The following TRIM14 variants were observed in gnomAD, a reference collection of about 807,000 sequenced individuals.
TRIM14 encodes tripartite motif containing 14.
TRIM14 carries 28 observed loss-of-function variants against 44.5 expected under a neutral mutation model. The observed-to-expected ratio is 0.63, with a 90% CI of 0.47 to 0.86. The LOEUF is 0.86. TRIM14 is among the 40% of genes least tolerant of loss of function. The pLI is 0.00. For synonymous variants in TRIM14, 299 were observed against 269.2 expected (o/e 1.11, Z -1.08); for missense variants, 607 against 611.1 (o/e 0.99, Z 0.07).
chr9:98,096,926 C>T (rs1296506754), intron 3 of TRIM14, among the ~76,000 whole-genome samples: 1 of 152,160 alleles, frequency 6.6e-6, no homozygotes, highest in Non-Finnish European at 1.5e-5. Context: ...GGGCTGGGTG[C>T]AGTGGCTCAC....
At chr9:98,076,894 G>C (rs774513568) in intron 6 of TRIM14, 1 of 1,575,832 alleles carries the variant, frequency 6.3e-7, no homozygotes, top group Admixed American at 1.7e-5. Flanking sequence ...TGGTGAAAAG[G>C]AGCTCCCTCT....
the TRIM14 span, among the ~76,000 whole-genome samples, chr9:98,049,242 T>C: frequency 1.4e-5 from 2 of 144,578 alleles, no homozygotes; most frequent in East Asian, 4.1e-4. Context: ...CTCAGGAGGC[T>C]GAGGCAGGAG....
At chr9:98,052,196 G>A in the TRIM14 span, among the ~76,000 whole-genome samples, 1 of 152,116 alleles carries the variant, frequency 6.6e-6, no homozygotes, top group Non-Finnish European at 1.5e-5. Context: ...GAGGGAAACA[G>A]AGGTTTTTCC....
intron 2 of TRIM14, among the ~76,000 whole-genome samples, chr9:98,105,052 G>T (rs917080026): frequency 1.3e-5 from 2 of 152,222 alleles, no homozygotes; most frequent in Non-Finnish European, 2.9e-5. Flanking sequence ...CAGGGGCAAT[G>T]GACACCAGTG....
At chr9:98,041,421 G>A in the TRIM14 span, among the ~76,000 whole-genome samples, 1 of 151,328 alleles carries the variant, frequency 6.6e-6, no homozygotes, top group Non-Finnish European at 1.5e-5. Context: ...CCGACCTCAG[G>A]TAATCCACCC....
chr9:98,118,930 G>A, intron 1 of TRIM14, 52 bp downstream of exon 1: 1 of 1,444,432 alleles, frequency 6.9e-7, no homozygotes, highest in Non-Finnish European at 9.0e-7. Context: ...CGTTATGCCT[G>A]GGCTGGCTCC....
At chr9:98,096,743 G>GTCCAGGCCACCATCATCTCTC (rs953815443) in intron 3 of TRIM14, among the ~76,000 whole-genome samples, 2 of 151,970 alleles carry the variant, frequency 1.3e-5, no homozygotes, top group African/African-American at 4.8e-5. Flanking sequence ...CCCTGTCTTG[G>GTCCAGGCCACCATCATCTCTC]TCCAGGCCAC....
Position 98,119,067 on chromosome 9 carries a change from C to T in TRIM14, c.122G>A (p.Arg41His). The change falls in exon 1 of 6, where the codon CGC becomes CAC. Residue 41 changes from arginine (R) to histidine (H), a missense_variant. By Grantham distance (29) the Arg-to-His change is conservative. This residue lies in a region of TRIM14 where 246 missense variants were observed against 270.8 expected (regional missense o/e 0.91). Transcript: ENST00000341469. ...CACCGGGCAAAGCGCGCACACGCAG[C>T]GGCGGCAGCGGCGACAGAAGAGCTC... is the stretch of plus-strand genomic sequence containing the variant. ...VAELFCRRCR[R>H]CVCALCPVLG... The T allele has an allele frequency of 1.9e-6, 3 of 1,580,118 alleles. No individual in the cohort carries two copies. Among genetic ancestry groups the T allele is most frequent in the South Asian group, 2.2e-5 (2 of 89,024 alleles).
downstream of TRIM14, among the ~76,000 whole-genome samples, chr9:98,068,398 C>T (rs1829212515): frequency 6.6e-6 from 1 of 152,042 alleles, no homozygotes; most frequent in Admixed American, 6.6e-5. Context: ...CCTCGGCCTC[C>T]CAAATGCTAG....
At chr9:98,042,286 C>G in the TRIM14 span, among the ~76,000 whole-genome samples, 6 of 110,958 alleles carry the variant, frequency 5.4e-5, no homozygotes, top group Non-Finnish European at 6.7e-5. Flanking sequence ...GTGCCAGACT[C>G]TGTCTGGAAA....
At chr9:98,067,734 T>G (rs566268773), downstream of TRIM14, among the ~76,000 whole-genome samples, 189 of 152,298 alleles carry the variant, frequency 1.2e-3, 1 homozygote, top group Non-Finnish European at 2.3e-3. Context: ...TCTTTTTTTT[T>G]TGTGAGATAC....
intron 6 of TRIM14, chr9:98,078,023 GGGCAGGAACCCAA>G (rs1286653357): frequency 6.5e-6 from 6 of 920,096 alleles, no homozygotes; most frequent in Non-Finnish European, 9.6e-6. Context: ...CTGTGGCCGA[GGGCAGGAACCCAA>G]CAAGCTCCTC....
chr9:98,061,531 C>T, the TRIM14 span, among the ~76,000 whole-genome samples: 2 of 149,632 alleles, frequency 1.3e-5, no homozygotes, highest in Non-Finnish European at 3.0e-5. Context: ...CCTGTAATCC[C>T]AGCACTTTGG....
At chr9:98,069,721 G>A (rs949959926) in intron 6 of TRIM14, 1 of 152,304 alleles carries the variant, frequency 6.6e-6, no homozygotes, top group African/African-American at 2.4e-5. Flanking sequence ...GTGGAGAACA[G>A]ATGAGTAGTT....
downstream of TRIM14, among the ~76,000 whole-genome samples, chr9:98,080,129 G>A (rs1278080418): frequency 2.0e-5 from 3 of 152,180 alleles, no homozygotes; most frequent in African/African-American, 4.8e-5. Context: ...CAGGAGAATC[G>A]CTTGAACCCA....
chr9:98,059,882 G>A, the TRIM14 span, among the ~76,000 whole-genome samples: 2 of 152,182 alleles, frequency 1.3e-5, no homozygotes, highest in Non-Finnish European at 2.9e-5. Context: ...AAGCGCCAGT[G>A]CAAAGCAGCT....
the TRIM14 span, among the ~76,000 whole-genome samples, chr9:98,042,931 T>C: frequency 2.0e-5 from 3 of 152,284 alleles, no homozygotes; most frequent in East Asian, 5.8e-4. Flanking sequence ...GATTAGTCTT[T>C]CTTTTTTGAT....
At chr9:98,059,003 G>C in the TRIM14 span, among the ~76,000 whole-genome samples, 1 of 151,944 alleles carries the variant, frequency 6.6e-6, no homozygotes, top group Non-Finnish European at 1.5e-5. Context: ...TCTCAGCACT[G>C]ACATTTCTGG....
chr9:98,048,269 T>G, the TRIM14 span, among the ~76,000 whole-genome samples: 1 of 152,136 alleles, frequency 6.6e-6, no homozygotes, highest in African/African-American at 2.4e-5. Flanking sequence ...AATGAAACCC[T>G]TAATATTGGG....
Sources: allele counts gnomAD v4.1 joint callset (sites outside exome capture counted in the v4.1 genomes callset), GRCh38; gene constraint gnomAD v4.1.1; regional missense constraint gnomAD v4.1.1; transcripts MANE v1.5; gene names NCBI Gene and HGNC (gene_info 2026-07-23, HGNC 2026-07-21).